DLG2: variants seen among roughly 807,000 people sequenced by gnomAD.
The protein encoded by DLG2 is discs large MAGUK scaffold protein 2, also known as disks large homolog 2.
DLG2 carries 45 observed loss-of-function variants against 132.5 expected under a neutral mutation model. The observed-to-expected ratio is 0.34, with a 90% CI of 0.27 to 0.44. The LOEUF (loss-of-function observed/expected upper bound fraction) is 0.44. DLG2 is among the 20% of genes least tolerant of loss of function. DLG2 has a pLI of 1.00. For synonymous variants in DLG2, 424 were observed against 419.6 expected (o/e 1.01, Z -0.13); for missense variants, 1,045 against 1,196.9 (o/e 0.87, Z 1.87).
rs893830175 is a variant in DLG2, at chr11:84,492,428, G to A, written c.519+42142C>T. Among the ~76,000 whole-genome samples the A allele has an allele frequency of 2.0e-5, 3 of 152,206 alleles. 1 individual carries two copies. In the South Asian group the frequency reaches 6.2e-4, roughly 32 times the overall value. ...GTAGAGCCAATGTTCTACTGGATTA[G>A]GCTTTCTGATATATTTAAAGTAGCA... On this transcript the variant is annotated intron_variant, in intron 7 of 27. Transcript: ENST00000376104.
chr11:84,968,145 C>T (rs1324734330), intron 6 of DLG2, among the ~76,000 whole-genome samples: 1 of 152,018 alleles, frequency 6.6e-6, no homozygotes, highest in African/African-American at 2.4e-5. Flanking sequence ...ATTAAATAGC[C>T]ATAAGACATC....
intron 6 of DLG2, among the ~76,000 whole-genome samples, chr11:85,068,705 C>T (rs1593563262): frequency 1.3e-5 from 2 of 151,940 alleles, no homozygotes; most frequent in Admixed American, 6.6e-5. Flanking sequence ...AGAATCAGTA[C>T]TGTGAAAATG....
At chr11:84,073,941 A>G (rs941802714) in intron 10 of DLG2, among the ~76,000 whole-genome samples, 2 of 152,236 alleles carry the variant, frequency 1.3e-5, no homozygotes, top group Non-Finnish European at 2.9e-5. Context: ...ATTTCATTGT[A>G]TGTAATTGCA....
chr11:85,202,813 A>T (rs1284617399), intron 4 of DLG2, among the ~76,000 whole-genome samples: 4 of 151,998 alleles, frequency 2.6e-5, no homozygotes, highest in Admixed American at 2.6e-4. Flanking sequence ...TCAATGAAAA[A>T]ATCAAAATGA....
chr11:84,158,292 T>A lies in DLG2; in HGVS notation c.624+5169A>T, dbSNP rs190976050. Among the ~76,000 whole-genome samples, 404 of 152,300 alleles carry A rather than the reference T, an allele frequency of 2.7e-3. 2 individuals carry two copies. The highest frequency in any genetic ancestry group is 9.2e-3 in the African/African-American group (381 of 41,576). On this transcript the variant is annotated intron_variant, in intron 9 of 27. Transcript: ENST00000376104. ...GTTAGCCAGGATGGTCTCGATCTCCTGACCTCGTGATCCGCCCAGCTTGGC... is the reference window on the plus strand; with the variant it reads ...GTTAGCCAGGATGGTCTCGATCTCCAGACCTCGTGATCCGCCCAGCTTGGC...
At chr11:85,349,390 T>C (rs1216665765) in intron 3 of DLG2, among the ~76,000 whole-genome samples, 1 of 152,100 alleles carries the variant, frequency 6.6e-6, no homozygotes, top group Non-Finnish European at 1.5e-5. Context: ...AACTAAAGAA[T>C]GCAACCACAC....
intron 15 of DLG2, among the ~76,000 whole-genome samples, chr11:83,880,529 T>C (rs2065925908): frequency 6.6e-6 from 1 of 152,112 alleles, no homozygotes; most frequent in Non-Finnish European, 1.5e-5. Context: ...GGGCCCTGTT[T>C]TTCCCAGGGT....
intron 6 of DLG2, among the ~76,000 whole-genome samples, chr11:84,743,236 T>C (rs1435975589): frequency 1.3e-5 from 2 of 152,166 alleles, no homozygotes; most frequent in African/African-American, 2.4e-5. Flanking sequence ...GAACAGTTTA[T>C]GTTATTCCTA....
intron 7 of DLG2, among the ~76,000 whole-genome samples, chr11:84,324,980 A>T: frequency 6.6e-6 from 1 of 152,074 alleles, no homozygotes; most frequent in East Asian, 1.9e-4. Context: ...ATATAATTTT[A>T]CTTCTTCCTT....
intron 4 of DLG2, among the ~76,000 whole-genome samples, chr11:85,259,601 T>C (rs146730014): frequency 4.1e-4 from 63 of 152,008 alleles, no homozygotes; most frequent in African/African-American, 1.5e-3. Flanking sequence ...TTTGGGGTGC[T>C]ATGAAGGCCT....
chr11:83,804,843 TC>T (rs2045503260), intron 17 of DLG2, among the ~76,000 whole-genome samples: 1 of 152,150 alleles, frequency 6.6e-6, no homozygotes, highest in Non-Finnish European at 1.5e-5. Flanking sequence ...TTTTCTTAAA[TC>T]CAGGATTTAA....
At chr11:85,570,320 C>A (rs549790558) in intron 3 of DLG2, among the ~76,000 whole-genome samples, 138 of 152,134 alleles carry the variant, frequency 9.1e-4, no homozygotes, top group African/African-American at 3.2e-3. Context: ...ATGGTCTATC[C>A]TCAAGAATAT....
At chr11:84,370,546 A>G (rs1325789638) in intron 7 of DLG2, among the ~76,000 whole-genome samples, 1 of 152,180 alleles carries the variant, frequency 6.6e-6, no homozygotes, top group Non-Finnish European at 1.5e-5. Flanking sequence ...TGATGCTGAA[A>G]GTGAGGTGCC....
intron 3 of DLG2, among the ~76,000 whole-genome samples, chr11:85,527,528 A>G (rs2074870723): frequency 6.6e-6 from 1 of 152,012 alleles, no homozygotes; most frequent in African/African-American, 2.4e-5. Flanking sequence ...ACATGCACTC[A>G]TTATTTTTTA....
At chr11:84,587,329 T>G (rs1025432796) in intron 6 of DLG2, among the ~76,000 whole-genome samples, 1 of 152,206 alleles carries the variant, frequency 6.6e-6, no homozygotes, top group African/African-American at 2.4e-5. Context: ...TGGGAGAACT[T>G]CTGATGAAAA....
At chr11:84,503,813 A>G (rs756604799) in intron 7 of DLG2, among the ~76,000 whole-genome samples, 24 of 152,250 alleles carry the variant, frequency 1.6e-4, no homozygotes, top group Non-Finnish European at 2.2e-4. Context: ...TTACCCTGTA[A>G]GCATCACTGC....
chr11:84,874,175 G>A (rs10128662), intron 6 of DLG2, among the ~76,000 whole-genome samples: 4,311 of 152,220 alleles, frequency 0.028, 80 homozygotes, highest in Non-Finnish European at 0.044. Flanking sequence ...ACACACATGA[G>A]GGTATTAATA....
At chr11:84,705,550 G>A (rs1020436707) in intron 6 of DLG2, among the ~76,000 whole-genome samples, 2 of 151,620 alleles carry the variant, frequency 1.3e-5, no homozygotes, top group African/African-American at 4.8e-5. Flanking sequence ...ATTTTAAGAT[G>A]GATTTAAACT....
intron 19 of DLG2, among the ~76,000 whole-genome samples, chr11:83,630,377 G>A (rs1193662654): frequency 6.6e-6 from 1 of 152,138 alleles, no homozygotes; most frequent in Non-Finnish European, 1.5e-5. Flanking sequence ...GTAAATCCAA[G>A]GGGAAGAATG....
Sources: allele counts gnomAD v4.1 joint callset (sites outside exome capture counted in the v4.1 genomes callset), GRCh38; gene constraint gnomAD v4.1.1; transcripts MANE v1.5; gene names NCBI Gene and HGNC (gene_info 2026-07-23, HGNC 2026-07-21).